Variants in STK35 observed in about 807,000 individuals in gnomAD.
STK35 encodes the protein serine/threonine kinase 35.
Under a neutral mutation model 37.3 loss-of-function variants are expected in STK35, and 17 were observed. That is an observed-to-expected ratio of 0.46 (90% CI 0.31 to 0.68). STK35 has a LOEUF of 0.68. STK35 is among the 30% of genes least tolerant of loss of function. The pLI is 0.05. For synonymous variants in STK35, 385 were observed against 319.1 expected, an observed-to-expected ratio of 1.21 and a Z score of -2.20; for missense variants, 595 against 746.7, an observed-to-expected ratio of 0.80 and a Z score of 2.37.
chr20:2,103,721 G>A (rs373382852), intron 2 of STK35, among the ~76,000 whole-genome samples: 1 of 152,160 alleles, frequency 6.6e-6, no homozygotes, highest in South Asian at 2.1e-4. Context: ...GCAGAACTGC[G>A]GAGCCTCCTC....
In STK35 at chr20:2,116,742, G is replaced by A. The variant is rs1036414687; in HGVS notation, c.969G>A (p.Leu323=). 6.2e-7 allele frequency: 1 copy of A among 1,614,080 alleles called. No homozygotes were observed. The highest frequency in any genetic ancestry group is 8.5e-7 in the Non-Finnish European group (1 of 1,180,042). The change falls in exon 3 of 4, where the codon CTG becomes CTA. Residue 323 remains leucine (L), a synonymous_variant. Transcript: ENST00000381482. ...FVMEFCEGGD[L]NQYVLSRRPD... ...TGGAGTTCTGTGAAGGTGGAGACCT[G>A]AATCAGTATGTCCTGTCCCGGAGGC... is the stretch of plus-strand genomic sequence containing the variant.
At chr20:2,118,521 G>A (rs1277040740) in intron 3 of STK35, among the ~76,000 whole-genome samples, 2 of 152,110 alleles carry the variant, frequency 1.3e-5, no homozygotes, top group Admixed American at 6.5e-5. Context: ...GGCGGAGCTT[G>A]CAGTGAGCTG....
intron 3 of STK35, among the ~76,000 whole-genome samples, chr20:2,135,491 C>T (rs898706983): frequency 1.3e-5 from 2 of 152,212 alleles, no homozygotes; most frequent in African/African-American, 2.4e-5. Flanking sequence ...CTTCCTGGAC[C>T]ACTTGTTAGC....
intron 3 of STK35, among the ~76,000 whole-genome samples, chr20:2,131,520 A>G (rs1003629006): frequency 2.6e-5 from 4 of 151,994 alleles, no homozygotes; most frequent in Admixed American, 6.6e-5. Context: ...GGCACTTACT[A>G]TGAATAGAGC....
intron 3 of STK35, among the ~76,000 whole-genome samples, chr20:2,142,908 C>G (rs1230179302): frequency 6.6e-6 from 1 of 152,236 alleles, no homozygotes; most frequent in Non-Finnish European, 1.5e-5. Context: ...CCCTTGTATT[C>G]TAGGCCTCCA....
At position 2,143,815 on chromosome 20, in the gene STK35, G is replaced by A. The variant is rs765075113; in HGVS notation, c.*69G>A. ...TCCTCGGGACCCACAGTCTCACCAC[G>A]TCTCCTCCAGAGGACGGCAGAGGGT... On this transcript the variant is annotated 3_prime_UTR_variant, in exon 4 of 4. Transcript: ENST00000381482. The A allele has an allele frequency of 3.6e-5, 15 of 411,500 alleles. No individual in the cohort carries two copies. Among genetic ancestry groups the A allele is most frequent in the South Asian group, 1.4e-4 (8 of 57,750 alleles). The allele number at this position is 411,500 out of a possible 1,614,324, so 25.5% of individuals were successfully genotyped here.
intron 3 of STK35, among the ~76,000 whole-genome samples, chr20:2,121,167 G>A (rs904553143): frequency 6.6e-6 from 1 of 152,202 alleles, no homozygotes; most frequent in African/African-American, 2.4e-5. Context: ...GTTTTTGGAT[G>A]AGATGGAAAG....
At chr20:2,136,767 C>G (rs899713597) in intron 3 of STK35, among the ~76,000 whole-genome samples, 12 of 152,366 alleles carry the variant, frequency 7.9e-5, no homozygotes, top group South Asian at 2.1e-4. Context: ...AGCAGACTCT[C>G]TCTGTCCTGC....
chr20:2,109,436 A>G (rs367794226), intron 2 of STK35, among the ~76,000 whole-genome samples: 1 of 152,236 alleles, frequency 6.6e-6, no homozygotes, highest in South Asian at 2.1e-4. Context: ...AGCATTTCGT[A>G]GTATTTTCAT....
At chr20:2,126,343 G>C (rs1374467517) in intron 3 of STK35, among the ~76,000 whole-genome samples, 2 of 152,180 alleles carry the variant, frequency 1.3e-5, no homozygotes, top group Non-Finnish European at 2.9e-5. Flanking sequence ...AGATGGCTCA[G>C]TAGAGATACA....
chr20:2,113,268 G>T (rs1451208324), intron 2 of STK35, among the ~76,000 whole-genome samples: 4 of 152,232 alleles, frequency 2.6e-5, no homozygotes, highest in Non-Finnish European at 4.4e-5. Flanking sequence ...TCTGCAGAAT[G>T]TGCCAGCATT....
At chr20:2,127,685 G>A (rs545392461) in intron 3 of STK35, among the ~76,000 whole-genome samples, 1 of 152,074 alleles carries the variant, frequency 6.6e-6, no homozygotes, top group Non-Finnish European at 1.5e-5. Context: ...AGGGGCCAGG[G>A]TACCAACAGG....
In STK35 at chr20:2,102,037, A is replaced by C. The variant is rs1371237577; in HGVS notation, c.156A>C (p.Gly52=). Reference sequence around the variant, plus strand: ...CAGCGAGCGCCGCGGCAGCAGAAGGATCCGCTACACGCCGGGCTCGGGCCG... The same window carrying C: ...CAGCGAGCGCCGCGGCAGCAGAAGGCTCCGCTACACGCCGGGCTCGGGCCG... ...ASPASAAAAE[G]SATRRARAAT... The change falls in exon 1 of 4, where the codon GGA becomes GGC. Residue 52 remains glycine, a synonymous_variant. Coordinates refer to ENST00000381482, the MANE Select transcript of STK35 (RefSeq NM_080836.4). 1.6e-5 allele frequency: 25 copies of C among 1,526,444 alleles called. No homozygotes were observed. The Admixed American group carries it at 4.6e-4, about 28-fold the overall frequency. The allele number at this position is 1,526,444 out of a possible 1,614,324, so 94.6% of individuals were successfully genotyped here.
At chr20:2,135,835 A>G (rs1986077683) in intron 3 of STK35, among the ~76,000 whole-genome samples, 1 of 152,204 alleles carries the variant, frequency 6.6e-6, no homozygotes, top group South Asian at 2.1e-4. Flanking sequence ...GGGCGACAGC[A>G]AGACTAATAA....
intron 2 of STK35, among the ~76,000 whole-genome samples, chr20:2,115,879 A>G (rs951965264): frequency 1.3e-5 from 2 of 151,860 alleles, no homozygotes; most frequent in African/African-American, 4.8e-5. Flanking sequence ...TGACACCTTC[A>G]GATCTGGCCA....
rs1415949852 is a variant in STK35 at position 2,101,876 on chromosome 20, C to T, written c.-6C>T. On this transcript the variant is annotated 5_prime_UTR_variant, in exon 1 of 4. Coordinates refer to ENST00000381482, the MANE Select transcript of STK35 (RefSeq NM_080836.4). ...TGCAGGGCTCACTCGGCTGGCGTCCCGGGGGATGGGCCACCAGGAGTCTCC... is the reference window on the plus strand; with the variant it reads ...TGCAGGGCTCACTCGGCTGGCGTCCTGGGGGATGGGCCACCAGGAGTCTCC... 9.2e-6 allele frequency: 13 copies of T among 1,415,522 alleles called. No individual in the cohort carries two copies. The highest frequency in any genetic ancestry group is 1.2e-5 in the Non-Finnish European group (13 of 1,082,154). The allele number at this position is 1,415,522 out of a possible 1,614,324, so 87.7% of individuals were successfully genotyped here.
At chr20:2,140,290 G>C (rs150622812) in intron 3 of STK35, among the ~76,000 whole-genome samples, 30 of 152,296 alleles carry the variant, frequency 2.0e-4, no homozygotes, top group African/African-American at 6.7e-4. Context: ...GAAGCTGGTA[G>C]CCAGGCAGTC....
intron 2 of STK35, 79 bp from the exon 3 acceptor site, chr20:2,116,587 A>G: frequency 1.4e-6 from 2 of 1,453,916 alleles, no homozygotes; most frequent in Non-Finnish European, 1.9e-6. Flanking sequence ...TCACTCTTGA[A>G]TACACTGCAT....
At chr20:2,140,639 A>G (rs1986158144) in intron 3 of STK35, among the ~76,000 whole-genome samples, 1 of 152,236 alleles carries the variant, frequency 6.6e-6, no homozygotes, top group Non-Finnish European at 1.5e-5. Context: ...TTGTGCCCAC[A>G]AGAGAGAACC....
Sources: gnomAD v4.1 joint callset for allele counts (sites outside exome capture counted in the v4.1 genomes callset) on GRCh38, gnomAD v4.1.1 for gene constraint, MANE v1.5 for transcripts, NCBI Gene and HGNC (gene_info 2026-07-23, HGNC 2026-07-21) for gene names.